The following ROS1 variants were observed in gnomAD, a reference collection of about 807,000 sequenced individuals.
The protein encoded by ROS1 is ROS proto-oncogene 1, receptor tyrosine kinase.
ROS1 carries 263 observed loss-of-function variants against 273.5 expected under a neutral mutation model. That is an observed-to-expected ratio of 0.96 (90% CI 0.87 to 1.06). The LOEUF is 1.06. Ranked by LOEUF, ROS1 falls within the 50% of genes least tolerant of loss-of-function variation. ROS1 has a pLI of 0.00. For missense variants in ROS1, 2,833 were observed against 2,751.1 expected, an observed-to-expected ratio of 1.03 and a Z score of -0.67; for synonymous variants, 1,008 against 954.1, an observed-to-expected ratio of 1.06 and a Z score of -1.04.
chr6:117,418,011 G>T (rs1775461863), intron 2 of ROS1, among the ~76,000 whole-genome samples: 1 of 152,166 alleles, frequency 6.6e-6, no homozygotes, highest in African/African-American at 2.4e-5. Flanking sequence ...TTTAAACAGA[G>T]ACCCTATTTT....
rs1210030355 is a variant in ROS1 at position 117,308,841 on chromosome 6, C to T, written c.6504G>A (p.Val2168=). ...GTGGCTCCAGTCTCCCTCCTGTTTG[C>T]ACATAGTTTAACACATCAAGGTTGG... ...AHSNLDVLNY[V]QTGGRLEPPR... is the part of the protein sequence containing the mutation. The change falls in exon 42 of 44, where the codon GTG becomes GTA. Residue 2168 remains valine, a synonymous_variant. Transcript: ENST00000368507. 1.2e-6 allele frequency: 2 copies of T among 1,613,362 alleles called. No homozygotes were observed. The highest frequency in any genetic ancestry group is 1.7e-6 in the Non-Finnish European group (2 of 1,179,602).
At chr6:117,377,174 G>A (rs1371466425) in intron 18 of ROS1, among the ~76,000 whole-genome samples, 1 of 152,090 alleles carries the variant, frequency 6.6e-6, no homozygotes, top group Non-Finnish European at 1.5e-5. Context: ...GCAATGGCGC[G>A]ATCTCAGCTC....
chr6:117,327,072 A>C (rs886820266), intron 33 of ROS1, among the ~76,000 whole-genome samples: 1 of 152,202 alleles, frequency 6.6e-6, no homozygotes, highest in Non-Finnish European at 1.5e-5. Flanking sequence ...CTTCTCTAAC[A>C]ATGAAGAATA....
intron 22 of ROS1, among the ~76,000 whole-genome samples, chr6:117,362,076 A>G (rs1779846834): frequency 6.6e-6 from 1 of 152,184 alleles, no homozygotes; most frequent in South Asian, 2.1e-4. Context: ...AGTAATGTGT[A>G]ACATACAGAA....
intron 5 of ROS1, among the ~76,000 whole-genome samples, chr6:117,405,183 G>T (rs1242606061): frequency 6.6e-6 from 1 of 152,136 alleles, no homozygotes; most frequent in Non-Finnish European, 1.5e-5. Flanking sequence ...ATTTGGTAGG[G>T]AGCTTAAAAT....
chr6:117,290,877 A>G (rs966130193), intron 43 of ROS1, among the ~76,000 whole-genome samples: 1 of 152,156 alleles, frequency 6.6e-6, no homozygotes, highest in African/African-American at 2.4e-5. Context: ...CTCTACGTAC[A>G]TATCTCCAAC....
intron 24 of ROS1, among the ~76,000 whole-genome samples, chr6:117,359,480 CT>C (rs773535203): frequency 3.3e-5 from 5 of 152,070 alleles, no homozygotes; most frequent in Non-Finnish European, 7.4e-5. Flanking sequence ...CAAAACTCAC[CT>C]TCTTAATCAC....
chr6:117,372,831 T>G (rs988238040), intron 18 of ROS1, among the ~76,000 whole-genome samples: 7 of 152,340 alleles, frequency 4.6e-5, no homozygotes, highest in African/African-American at 1.7e-4. Context: ...TTCTACACTG[T>G]GGAAAAGGAT....
chr6:117,412,566 G>C (rs1774996665), intron 4 of ROS1, among the ~76,000 whole-genome samples: 1 of 149,948 alleles, frequency 6.7e-6, no homozygotes, highest in Non-Finnish European at 1.5e-5. Context: ...GTGGATAACT[G>C]AGGTGATAGA....
chr6:117,401,934 A>C (rs923547984), intron 7 of ROS1, among the ~76,000 whole-genome samples: 3 of 152,100 alleles, frequency 2.0e-5, no homozygotes, highest in African/African-American at 7.2e-5. Context: ...GAATCCAAAC[A>C]TATCTATACC....
intron 32 of ROS1, among the ~76,000 whole-genome samples, chr6:117,330,193 A>C (rs1290362490): frequency 6.6e-6 from 1 of 152,238 alleles, no homozygotes; most frequent in African/African-American, 2.4e-5. Flanking sequence ...CCAACACACC[A>C]GCTGTGGTAG....
intron 18 of ROS1, among the ~76,000 whole-genome samples, chr6:117,372,996 G>A (rs914939461): frequency 1.3e-5 from 2 of 152,140 alleles, no homozygotes; most frequent in East Asian, 1.9e-4. Context: ...TGCTTGGTGC[G>A]TTTACAATAC....
In ROS1 at chr6:117,386,987, G is replaced by T. The variant is rs1455451657; in HGVS notation, c.2012C>A (p.Pro671Gln). 2 of 1,604,252 alleles carry T rather than the reference G, an allele frequency of 1.2e-6. No individual in the cohort carries two copies. Among genetic ancestry groups the T allele is most frequent in the Non-Finnish European group, 1.7e-6 (2 of 1,172,012 alleles). The change falls in exon 15 of 44, where the codon CCA (proline) becomes CAA (glutamine). Residue 671 changes from proline (P) to glutamine (Q), a missense_variant. By Grantham distance (76) the Pro-to-Gln change is moderately conservative (BLOSUM62 -1). Coordinates refer to ENST00000368507, the MANE Select transcript of ROS1 (RefSeq NM_001378902.1). ...GTTLVPASEP[P>Q]FIMAVKEDGL... is the part of the protein sequence containing the mutation. ...ATCTTCTTTCACAGCCATGATAAATGGTGGTTCACTAGCTGTTTAGTAAAA... is the reference window on the plus strand; with the variant it reads ...ATCTTCTTTCACAGCCATGATAAATTGTGGTTCACTAGCTGTTTAGTAAAA...
At chr6:117,317,298 G>A (rs2128555880) in intron 38 of ROS1, 26 bp from the exon 39 acceptor site, 2 of 1,603,096 alleles carry the variant, frequency 1.2e-6, no homozygotes, top group Non-Finnish European at 1.7e-6. Context: ...ACACAGGCTG[G>A]ATGATATGAC....
Position 117,365,112 on chromosome 6 carries a change from G to C in ROS1, c.3051C>G (p.Thr1017=). The C allele has an allele frequency of 2.5e-6, 4 of 1,613,730 alleles. No homozygotes were observed. Among genetic ancestry groups the C allele is most frequent in the Non-Finnish European group, 3.4e-6 (4 of 1,179,722 alleles). The change falls in exon 21 of 44, where the codon ACC becomes ACG. Residue 1017 remains threonine (T), a synonymous_variant. Transcript: ENST00000368507. The part of the protein sequence containing the change: ...ALFNLSVTPY[T]YWGKGPKTSL... ...ATGTTTTGGGGCCCTTTCCCCAGTA[G>C]GTATAAGGAGTGACAGAAAGATTAA... is the stretch of plus-strand genomic sequence containing the variant.
chr6:117,371,740 T>C (rs1226550363), intron 18 of ROS1, among the ~76,000 whole-genome samples: 3 of 151,946 alleles, frequency 2.0e-5, no homozygotes, highest in East Asian at 1.9e-4. Flanking sequence ...ATGGTGGGAG[T>C]GAGACTGGCC....
At position 117,317,188 on chromosome 6, in the gene ROS1, C is replaced by G; in HGVS notation, c.6072G>C (p.Glu2024Asp). The G allele has an allele frequency of 6.2e-7, 1 of 1,613,430 alleles. No homozygotes were observed. The highest frequency in any genetic ancestry group is 8.5e-7 in the Non-Finnish European group (1 of 1,179,626). Residue 2024 changes from glutamate to aspartate, a missense_variant, in exon 39 of 44, where the codon GAG becomes GAC. Coordinates refer to ENST00000368507, the MANE Select transcript of ROS1 (RefSeq NM_001378902.1). ...EPQYIILELM[E>D]GGDLLTYLRK... Reference sequence around the variant, plus strand: ...GCAAATAAGTAAGAAGGTCTCCTCCCTCCATCAGTTCCAGGATAATGTATT... The same window carrying G: ...GCAAATAAGTAAGAAGGTCTCCTCCGTCCATCAGTTCCAGGATAATGTATT...
chr6:117,366,361 T>C, intron 18 of ROS1, 71 bp from the exon 19 acceptor site: 1 of 1,003,762 alleles, frequency 1.0e-6, no homozygotes. Context: ...CAAGTAGTCA[T>C]GAGAATATAT....
At chr6:117,325,151 T>G (rs1238778895) in intron 34 of ROS1, among the ~76,000 whole-genome samples, 1 of 152,102 alleles carries the variant, frequency 6.6e-6, no homozygotes, top group East Asian at 1.9e-4. Context: ...AACTATAATA[T>G]AAACAAGAAT....
Sources: gnomAD v4.1 joint callset for allele counts (sites outside exome capture counted in the v4.1 genomes callset) on GRCh38, gnomAD v4.1.1 for gene constraint, MANE v1.5 for transcripts, NCBI Gene and HGNC (gene_info 2026-07-23, HGNC 2026-07-21) for gene names.